RAG1: variants seen among roughly 807,000 people sequenced by gnomAD.
RAG1 encodes the protein V(D)J recombination-activating protein 1.
Under a neutral mutation model 62.7 loss-of-function variants are expected in RAG1, and 35 were observed. The ratio of observed to expected loss-of-function variants is 0.56; its 90% CI spans 0.43 to 0.74. The LOEUF is 0.74. Among genes scored for constraint, RAG1 ranks in the 30% least tolerant of loss-of-function variants. The pLI is 0.00. For missense variants in RAG1, 1,169 were observed against 1,278.6 expected, an observed-to-expected ratio of 0.91 and a Z score of 1.31; for synonymous variants, 461 against 470.3, an observed-to-expected ratio of 0.98 and a Z score of 0.26.
At position 36,574,473 on chromosome 11, in the gene RAG1, A is replaced by G; in HGVS notation, c.1169A>G (p.Asn390Ser). 1 of 1,614,236 alleles carries G rather than the reference A, an allele frequency of 6.2e-7. No individual in the cohort carries two copies. The change falls in exon 2 of 2, where the codon AAT becomes AGT. Residue 390 changes from asparagine to serine, a missense_variant. Physicochemically the swap from Asn to Ser is conservative, Grantham distance 46. This residue lies in a region of RAG1 where 800 missense variants were observed against 943.3 expected (regional missense o/e 0.85). Transcript: ENST00000299440. ...KESKEIFVHINKGGRPRQHLL... is the reference protein window; with the variant it reads ...KESKEIFVHISKGGRPRQHLL... ...TCAAAAGAGATTTTTGTGCACATTA[A>G]TAAAGGGGGCCGGCCCCGCCAACAT...
upstream of RAG1, chr11:36,563,626 A>G (rs1328354472): frequency 6.6e-6 from 1 of 152,216 alleles, no homozygotes; most frequent in Non-Finnish European, 1.5e-5. Context: ...GAAAGTGAAT[A>G]TAGTTTTTAA....
At position 36,574,334 on chromosome 11, in the gene RAG1, G is replaced by C. The variant is rs1056909211; in HGVS notation, c.1030G>C (p.Val344Leu). The change falls in exon 2 of 2, where the codon GTG becomes CTG. Residue 344 changes from valine (V) to leucine (L), a missense_variant. Physicochemically the swap from Val to Leu is conservative, Grantham distance 32. This residue lies in a region of RAG1 where 800 missense variants were observed against 943.3 expected (regional missense o/e 0.85). Transcript: ENST00000299440. Reference sequence around the variant, plus strand: ...CTTCCCTACTGACCTGGAGAGTCCAGTGAAGTCCTTTCTGAGCGTCTTGAA... The same window carrying C: ...CTTCCCTACTGACCTGGAGAGTCCACTGAAGTCCTTTCTGAGCGTCTTGAA... ...PCFPTDLESP[V>L]KSFLSVLNSL... 2 of 1,614,232 alleles carry C rather than the reference G, an allele frequency of 1.2e-6. No individual in the cohort carries two copies.
exon 1 of RAG1, chr11:36,510,924 G>A (rs762447233): frequency 6.6e-6 from 1 of 152,172 alleles, no homozygotes; most frequent in South Asian, 2.1e-4. Flanking sequence ...TGCATATTTG[G>A]TTCATCGTCC....
At position 36,576,335 on chromosome 11, in the gene RAG1, G is replaced by A; in HGVS notation, c.3031G>A (p.Ala1011Thr). The A allele has an allele frequency of 6.2e-7, 1 of 1,614,102 alleles. No homozygotes were observed. Among genetic ancestry groups the A allele is most frequent in the Non-Finnish European group, 8.5e-7 (1 of 1,180,016 alleles). ...CCAGAAGTTTATGAATGCTCATAAT[G>A]CATTAAAAACCTCTGGGTTTACCAT... is the stretch of plus-strand genomic sequence containing the variant. ...YLQKFMNAHN[A>T]LKTSGFTMNP... The change falls in exon 2 of 2, where the codon GCA becomes ACA. Residue 1011 changes from alanine (A) to threonine (T), a missense_variant. Ala to Thr is a moderately conservative substitution (Grantham distance 58). Around this residue, in one of 2 missense-constraint regions of RAG1, gnomAD observed 800 missense variants for 943.3 expected, o/e 0.85. Coordinates refer to ENST00000299440, the MANE Select transcript of RAG1 (RefSeq NM_000448.3).
chr11:36,517,548 T>C (rs1172815054), intron 1 of RAG1, among the ~76,000 whole-genome samples: 1 of 152,200 alleles, frequency 6.6e-6, no homozygotes, highest in Non-Finnish European at 1.5e-5. Flanking sequence ...TTTGAGTGTG[T>C]TTTATTAATG....
intron 2 of RAG1, among the ~76,000 whole-genome samples, chr11:36,528,113 G>C (rs1231509909): frequency 6.6e-6 from 1 of 151,992 alleles, no homozygotes; most frequent in African/African-American, 2.4e-5. Flanking sequence ...TGATATTCAG[G>C]ACTTGAACTC....
upstream of RAG1, among the ~76,000 whole-genome samples, chr11:36,564,290 G>A (rs1850630623): frequency 6.6e-6 from 1 of 152,196 alleles, no homozygotes. Flanking sequence ...TTAATGAAGT[G>A]TGGGGTCTTG....
rs141384582 is a variant in RAG1 at position 36,579,546 on chromosome 11, C to CTT, written c.*3121_*3122dup. On this transcript the variant is annotated 3_prime_UTR_variant, in exon 2 of 2. Transcript: ENST00000299440. Reference sequence around the variant, plus strand: ...ATTTTGTTTAATGGCTTCCAAGAGCCTTTTTTTTTTTTGTATTTCAGAGAA... The same window carrying CTT: ...ATTTTGTTTAATGGCTTCCAAGAGCCTTTTTTTTTTTTTTGTATTTCAGAGAA... 2.1e-4 allele frequency: 32 copies of CTT among 152,842 alleles called. No homozygotes were observed. The highest frequency in any genetic ancestry group is 7.4e-3 in the Middle Eastern group (2 of 270). The allele number at this position is 152,842 out of a possible 1,614,324, so 9.5% of individuals were successfully genotyped here. A position where few individuals can be genotyped will look rare whatever the true frequency, so the allele number is the denominator to read the frequency against.
downstream of RAG1, among the ~76,000 whole-genome samples, chr11:36,536,344 C>T (rs1311951812): frequency 6.6e-6 from 1 of 152,094 alleles, no homozygotes; most frequent in East Asian, 1.9e-4. Flanking sequence ...GGATCTTAAC[C>T]ATCATGTTGA....
intron 1 of RAG1, among the ~76,000 whole-genome samples, chr11:36,513,334 C>T (rs1859952893): frequency 6.6e-6 from 1 of 152,180 alleles, no homozygotes; most frequent in Non-Finnish European, 1.5e-5. Context: ...CTGTTTCTCA[C>T]ATCCTATTTG....
upstream of RAG1, among the ~76,000 whole-genome samples, chr11:36,564,420 T>A (rs1021582131): frequency 2.0e-5 from 3 of 152,180 alleles, no homozygotes; most frequent in Admixed American, 2.0e-4. Flanking sequence ...GAGATTGGGA[T>A]AAGGGGAAGA....
intron 2 of RAG1, among the ~76,000 whole-genome samples, chr11:36,534,502 G>C (rs1860298099): frequency 6.6e-6 from 1 of 152,184 alleles, no homozygotes; most frequent in Non-Finnish European, 1.5e-5. Flanking sequence ...AGTCACATGT[G>C]TCACTTTAGG....
chr11:36,576,446 C>A lies in RAG1; in HGVS notation c.*10C>A. ...TTCAATGGAATTTTAAGTAGGGCAA[C>A]CACTTATGAGTTGGTTTTTGCAATT... On this transcript the variant is annotated 3_prime_UTR_variant, in exon 2 of 2. Coordinates refer to ENST00000299440, the MANE Select transcript of RAG1 (RefSeq NM_000448.3). The A allele has an allele frequency of 6.2e-7, 1 of 1,613,920 alleles. No individual in the cohort carries two copies. Among genetic ancestry groups the A allele is most frequent in the Non-Finnish European group, 8.5e-7 (1 of 1,179,982 alleles).
chr11:36,551,379 C>T (rs554576225), intron 3 of RAG1, among the ~76,000 whole-genome samples: 3 of 152,106 alleles, frequency 2.0e-5, no homozygotes, highest in South Asian at 2.1e-4. Flanking sequence ...AAACAACCAA[C>T]GTTTATTTTC....
intron 3 of RAG1, among the ~76,000 whole-genome samples, chr11:36,542,055 C>T (rs562539954): frequency 3.6e-4 from 55 of 152,272 alleles, no homozygotes; most frequent in African/African-American, 1.3e-3. Flanking sequence ...CCCGATCTTG[C>T]AAGACTGTCA....
chr11:36,565,942 G>A (rs1224629176), upstream of RAG1: 1 of 152,098 alleles, frequency 6.6e-6, no homozygotes, highest in African/African-American at 2.4e-5. Flanking sequence ...ATCTTCATAG[G>A]CACCCAATAT....
At position 36,575,338 on chromosome 11, in the gene RAG1, C is replaced by A; in HGVS notation, c.2034C>A (p.Leu678=). 1 of 1,614,146 alleles carries A rather than the reference C, an allele frequency of 6.2e-7. No homozygotes were observed. Among genetic ancestry groups the A allele is most frequent in the South Asian group, 1.1e-5 (1 of 91,074 alleles). Residue 678 remains leucine, a synonymous_variant, in exon 2 of 2, where the codon CTC becomes CTA. Coordinates refer to ENST00000299440, the MANE Select transcript of RAG1 (RefSeq NM_000448.3). This position sits in a 1 kb window ranked among gnomAD's most constrained non-coding sequence, Gnocchi z 4.1. ...HETLTAILSP[L]IAEREAMKSS... ...CGCTGACTGCCATCCTGAGTCCTCT[C>A]ATTGCTGAGAGGGAGGCCATGAAGA...
intron 1 of RAG1, among the ~76,000 whole-genome samples, chr11:36,518,705 T>C (rs1262244351): frequency 5.9e-5 from 9 of 152,260 alleles, no homozygotes; most frequent in African/African-American, 2.2e-4. Context: ...TTTTTTCTTG[T>C]AAATTTGTTG....
At chr11:36,546,570 GTTTATA>G (rs769776525) in intron 3 of RAG1, among the ~76,000 whole-genome samples, 6 of 152,044 alleles carry the variant, frequency 3.9e-5, no homozygotes, top group Non-Finnish European at 7.4e-5. Flanking sequence ...CATTTAGCCT[GTTTATA>G]TTTAAGGTTA....
Sources: allele counts gnomAD v4.1 joint callset (sites outside exome capture counted in the v4.1 genomes callset), GRCh38; gene constraint gnomAD v4.1.1; regional missense constraint gnomAD v4.1.1; non-coding constraint Gnocchi (gnomAD v3.1); transcripts MANE v1.5; gene names NCBI Gene and HGNC (gene_info 2026-07-23, HGNC 2026-07-21).